CCDC144A: variants seen among roughly 807,000 people sequenced by gnomAD.
CCDC144A encodes the protein coiled-coil domain containing 144A.
Under a neutral mutation model 143.8 loss-of-function variants are expected in CCDC144A, and 41 were observed. The ratio of observed to expected loss-of-function variants is 0.29; its 90% CI spans 0.22 to 0.37. The LOEUF (loss-of-function observed/expected upper bound fraction) is 0.37. CCDC144A is among the 10% of genes least tolerant of loss of function. CCDC144A has a pLI of 1.00. For missense variants in CCDC144A, 637 were observed against 1,488.8 expected (o/e 0.43, Z 9.41); for synonymous variants, 242 against 517.9 (o/e 0.47, Z 7.23).
At chr17:16,691,978 G>T (rs920019376) in intron 1 of CCDC144A, 40 of 151,300 alleles carry the variant, frequency 2.6e-4, no homozygotes, top group Middle Eastern at 3.4e-3. Context: ...AAGCAAACTG[G>T]GTATCACCTA....
chr17:16,710,096 T>C lies in CCDC144A; in HGVS notation c.1578+461T>C, dbSNP rs554361346. ...GGCAAACACCTGTAGTCTCAGCTAC[T>C]AGGGAGCCTAAGGCAGGAGGATCAT... On this transcript the variant is annotated intron_variant, in intron 5 of 16. Coordinates refer to ENST00000399273, the MANE Select transcript of CCDC144A (RefSeq NM_001382000.1). 227 of 181,564 alleles carry C rather than the reference T, an allele frequency of 1.3e-3. 2 individuals carry two copies. In the East Asian group the frequency reaches 0.013, roughly 10 times the overall value. 11.2% of individuals were successfully genotyped at this position (181,564 alleles called of 1,614,324 possible). A position where few individuals can be genotyped will look rare whatever the true frequency, so the allele number is the denominator to read the frequency against.
intron 12 of CCDC144A, among the ~76,000 whole-genome samples, chr17:16,747,406 C>G (rs1411887627): frequency 1.3e-5 from 2 of 152,188 alleles, no homozygotes; most frequent in African/African-American, 4.8e-5. Flanking sequence ...GGGCTCTTTT[C>G]TGGTTCCATA....
intron 5 of CCDC144A, among the ~76,000 whole-genome samples, chr17:16,711,143 AAAAAAAAAAAAAAAAC>A (rs943374523): frequency 1.5e-5 from 2 of 135,052 alleles, no homozygotes; most frequent in Non-Finnish European, 3.2e-5. Flanking sequence ...AATGAAAAAA[AAAAAAAAAAAAAAAAC>A]AAAAGTTAGT....
At chr17:16,729,123 A>G (rs188341631) in intron 9 of CCDC144A, among the ~76,000 whole-genome samples, 1 of 152,204 alleles carries the variant, frequency 6.6e-6, no homozygotes, top group East Asian at 1.9e-4. Flanking sequence ...GGATTGTTGG[A>G]TTGAATGGTA....
intron 12 of CCDC144A, among the ~76,000 whole-genome samples, chr17:16,738,046 A>AT (rs930372930): frequency 1.7e-4 from 26 of 152,074 alleles, no homozygotes; most frequent in African/African-American, 6.0e-4. Flanking sequence ...ATAATGTTTA[A>AT]TAGAATGTTC....
chr17:16,740,264 A>G (rs1049133745), intron 12 of CCDC144A, among the ~76,000 whole-genome samples: 6 of 151,966 alleles, frequency 3.9e-5, no homozygotes, highest in Non-Finnish European at 5.9e-5. Flanking sequence ...TCTCTTGTAC[A>G]CTCCCGGAGC....
Position 16,690,256 on chromosome 17 carries a change from C to T in CCDC144A, c.-145C>T. 1.8e-6 allele frequency: 1 copy of T among 552,128 alleles called. No homozygotes were observed. 34.2% of individuals were successfully genotyped at this position (552,128 alleles called of 1,614,324 possible). A position where few individuals can be genotyped will look rare whatever the true frequency, so the allele number is the denominator to read the frequency against. Reference sequence around the variant, plus strand: ...CCTTACCCACGAGGCTTTGCGGTGGCTGTTGGCTTGGCGGTGGTCGCTTGG... The same window carrying T: ...CCTTACCCACGAGGCTTTGCGGTGGTTGTTGGCTTGGCGGTGGTCGCTTGG... On this transcript the variant is annotated 5_prime_UTR_variant, in exon 1 of 17. Transcript: ENST00000399273.
rs760215999 is a variant in CCDC144A, at chr17:16,690,705, C to T, written c.305C>T (p.Pro102Leu). The T allele has an allele frequency of 6.2e-7, 1 of 1,612,812 alleles. No homozygotes were observed. The change falls in exon 1 of 17, where the codon CCT becomes CTT. Residue 102 changes from proline (P) to leucine (L), a missense_variant. Physicochemically the swap from Pro to Leu is moderately conservative, Grantham distance 98. Transcript: ENST00000399273. Reference protein sequence around the residue: ...DVPGVEHILAPGDTGVDKRDR... With the variant: ...DVPGVEHILALGDTGVDKRDR... ...CCTGGGGTGGAGCACATCTTAGCTC[C>T]TGGAGACACTGGCGTGGACAAGAGG...
chr17:16,738,214 CCTTT>C (rs1914108972), intron 12 of CCDC144A, among the ~76,000 whole-genome samples: 2 of 143,938 alleles, frequency 1.4e-5, no homozygotes, highest in African/African-American at 2.6e-5. Flanking sequence ...TTAGGTACTT[CCTTT>C]ATTTTCCTTT....
chr17:16,776,310 A>G lies in CCDC144A; in HGVS notation c.*2677A>G, dbSNP rs544811228. ...TGCCTTGGGCAGTGTGGTCATTTTC[A>G]CGATATTGAACCTTCCTGTCTGTGA... On this transcript the variant is annotated 3_prime_UTR_variant, in exon 17 of 17. Transcript: ENST00000399273. 1 of 152,294 alleles carries G rather than the reference A, an allele frequency of 6.6e-6. No individual in the cohort carries two copies. The highest frequency in any genetic ancestry group is 1.9e-4 in the East Asian group (1 of 5,170). The allele number at this position is 152,294 out of a possible 1,614,324, so 9.4% of individuals were successfully genotyped here.
intron 12 of CCDC144A, among the ~76,000 whole-genome samples, chr17:16,753,428 G>GTTTTTTGTTGTTGTTGTTGTTTTTTTTTT (rs1914895477): frequency 1.6e-4 from 9 of 57,376 alleles, no homozygotes; most frequent in East Asian, 8.2e-4. Flanking sequence ...GTGTTTTGTA[G>GTTTTTTGTTGTTGTTGTTGTTTTTTTTTT]TTTTTTTTTT....
chr17:16,667,658 A>T, the CCDC144A span, among the ~76,000 whole-genome samples: 3 of 152,034 alleles, frequency 2.0e-5, no homozygotes, highest in Non-Finnish European at 4.4e-5. Context: ...CTGTTTTTGC[A>T]TTCTATTGGC....
intron 12 of CCDC144A, among the ~76,000 whole-genome samples, chr17:16,738,781 T>C (rs1249942709): frequency 1.3e-5 from 2 of 152,150 alleles, no homozygotes; most frequent in Non-Finnish European, 2.9e-5. Flanking sequence ...TGTTTGTATA[T>C]GTATTCCTTT....
At chr17:16,739,730 G>T (rs979048006) in intron 12 of CCDC144A, among the ~76,000 whole-genome samples, 7 of 152,080 alleles carry the variant, frequency 4.6e-5, no homozygotes, top group African/African-American at 1.4e-4. Context: ...ATGTGTGTTT[G>T]TTTTTGGATT....
the CCDC144A span, among the ~76,000 whole-genome samples, chr17:16,677,267 C>T: frequency 1.3e-5 from 2 of 152,190 alleles, no homozygotes; most frequent in South Asian, 2.1e-4. Context: ...TCTAAAGTTC[C>T]GTCTGTTCCA....
chr17:16,720,253 T>C, intron 7 of CCDC144A, 22 bp downstream of exon 7: 1 of 1,520,060 alleles, frequency 6.6e-7, no homozygotes, highest in South Asian at 1.3e-5. Flanking sequence ...AAGGAAATGA[T>C]CTAAAATATT....
intron 2 of CCDC144A, among the ~76,000 whole-genome samples, 152 bp downstream of exon 2, chr17:16,693,201 A>G (rs1257078052): frequency 1.3e-5 from 2 of 152,130 alleles, no homozygotes; most frequent in Non-Finnish European, 2.9e-5. Flanking sequence ...AGATGTCACA[A>G]TTATTTAAAA....
At chr17:16,757,231 T>G (rs1359284377) in intron 12 of CCDC144A, among the ~76,000 whole-genome samples, 1 of 152,262 alleles carries the variant, frequency 6.6e-6, no homozygotes, top group Non-Finnish European at 1.5e-5. Flanking sequence ...CTTGGTAGCA[T>G]GCATGGGCAC....
chr17:16,729,113 G>A (rs1289008165), intron 9 of CCDC144A, among the ~76,000 whole-genome samples: 2 of 152,062 alleles, frequency 1.3e-5, no homozygotes, highest in Non-Finnish European at 2.9e-5. Context: ...GCCCAGTAGG[G>A]GATTGTTGGA....
Sources: gnomAD v4.1 joint callset for allele counts (sites outside exome capture counted in the v4.1 genomes callset) on GRCh38, gnomAD v4.1.1 for gene constraint, MANE v1.5 for transcripts, NCBI Gene and HGNC (gene_info 2026-07-23, HGNC 2026-07-21) for gene names.